B4GALT5: variants seen among roughly 807,000 people sequenced by gnomAD.
B4GALT5 encodes the protein UDP-Gal:beta-GlcNAc beta-1,4-galactosyltransferase 5.
In B4GALT5, 11 loss-of-function variants were observed where a neutral mutation model predicts 45.0. The ratio of observed to expected loss-of-function variants is 0.24; its 90% CI spans 0.15 to 0.40. The LOEUF (loss-of-function observed/expected upper bound fraction) is 0.40, where lower values mean the gene tolerates loss of function less well. B4GALT5 is among the 10% of genes least tolerant of loss of function. The pLI, the probability that B4GALT5 is intolerant of heterozygous loss-of-function variation, is 1.00. For missense variants in B4GALT5, 337 were observed against 500.2 expected (o/e 0.67, Z 3.11); for synonymous variants, 185 against 182.9 (o/e 1.01, Z -0.09).
intron 1 of B4GALT5, among the ~76,000 whole-genome samples, chr20:49,683,480 G>A (rs1386191689): frequency 1.5e-5 from 2 of 137,726 alleles, no homozygotes; most frequent in Non-Finnish European, 3.0e-5. Flanking sequence ...TACAACCTCC[G>A]CCTCCTGGGT....
At chr20:49,705,311 T>C (rs1169522987) in intron 1 of B4GALT5, among the ~76,000 whole-genome samples, 3 of 152,056 alleles carry the variant, frequency 2.0e-5, no homozygotes, top group Admixed American at 1.3e-4. Context: ...ACAAAAAAAA[T>C]GGTCCAAAAA....
chr20:49,700,215 C>G (rs943527609), intron 1 of B4GALT5, among the ~76,000 whole-genome samples: 1 of 152,160 alleles, frequency 6.6e-6, no homozygotes, highest in Non-Finnish European at 1.5e-5. Flanking sequence ...TGAGACCTGT[C>G]TCAGATACTT....
chr20:49,678,048 T>C (rs982815396), intron 1 of B4GALT5, among the ~76,000 whole-genome samples: 21 of 152,242 alleles, frequency 1.4e-4, no homozygotes, highest in African/African-American at 4.8e-4. Context: ...ACGCCCAGCC[T>C]GAAATATCTT....
intron 1 of B4GALT5, among the ~76,000 whole-genome samples, chr20:49,710,581 G>A (rs1019528839): frequency 2.0e-5 from 3 of 151,684 alleles, no homozygotes; most frequent in East Asian, 3.9e-4. Context: ...CACCACGCCC[G>A]GCTAATTTTT....
chr20:49,640,101 C>A (rs989945022), intron 6 of B4GALT5, among the ~76,000 whole-genome samples: 1 of 152,138 alleles, frequency 6.6e-6, no homozygotes, highest in African/African-American at 2.4e-5. Flanking sequence ...CACTGTCCCC[C>A]GCAAAGCCTT....
intron 1 of B4GALT5, among the ~76,000 whole-genome samples, chr20:49,676,072 A>C (rs1470616598): frequency 2.1e-5 from 3 of 142,272 alleles, no homozygotes; most frequent in African/African-American, 5.2e-5. Flanking sequence ...GCATTTTCGG[A>C]ATCCCTACTC....
At chr20:49,702,002 T>C (rs1329762009) in intron 1 of B4GALT5, among the ~76,000 whole-genome samples, 1 of 152,070 alleles carries the variant, frequency 6.6e-6, no homozygotes, top group Admixed American at 6.6e-5. Flanking sequence ...GAGGCAGAGG[T>C]TGCAGTGAGT....
chr20:49,639,669 C>A lies in B4GALT5; in HGVS notation c.917+9G>T. 6.2e-7 allele frequency: 1 copy of A among 1,613,024 alleles called. No homozygotes were observed. The highest frequency in any genetic ancestry group is 8.5e-7 in the Non-Finnish European group (1 of 1,179,224). Reference sequence around the variant, plus strand: ...TTTCTAGAAGACACCGAAAGAACGGCAGAGGTACCTGTTCCAGAGGTCGTC... The same window carrying A: ...TTTCTAGAAGACACCGAAAGAACGGAAGAGGTACCTGTTCCAGAGGTCGTC... On this transcript the variant is annotated intron_variant, in intron 7 of 8. Transcript: ENST00000371711.
In B4GALT5 at chr20:49,636,395, A is replaced by C; in HGVS notation, c.1084T>G (p.Phe362Val). 6.2e-7 allele frequency: 1 copy of C among 1,614,122 alleles called. No individual in the cohort carries two copies. Among genetic ancestry groups the C allele is most frequent in the Non-Finnish European group, 8.5e-7 (1 of 1,180,000 alleles). ...GLDGLNNLNY[F>V]ANITYDALYK... Reference sequence around the variant, plus strand: ...AAGGCGTCGTATGTGATGTTTGCAAAGTAGTTCAGGTTGTTGAGGCCATCC... The same window carrying C: ...AAGGCGTCGTATGTGATGTTTGCAACGTAGTTCAGGTTGTTGAGGCCATCC... The change falls in exon 9 of 9, where the codon TTT (phenylalanine) becomes GTT (valine). Residue 362 changes from phenylalanine to valine, a missense_variant. By Grantham distance (50) the Phe-to-Val change is conservative. Around this residue, in one of 2 missense-constraint regions of B4GALT5, gnomAD observed 163 missense variants for 292.8 expected, o/e 0.56. Transcript: ENST00000371711.
At chr20:49,655,220 C>T (rs2085637509) in intron 2 of B4GALT5, among the ~76,000 whole-genome samples, 1 of 151,940 alleles carries the variant, frequency 6.6e-6, no homozygotes, top group Non-Finnish European at 1.5e-5. Flanking sequence ...CACCTGAGGT[C>T]AGGAGTTTGA....
Position 49,637,375 on chromosome 20 carries a change from G to C in B4GALT5, c.985C>G (p.His329Asp). Residue 329 changes from histidine (H) to aspartate (D), a missense_variant, in exon 8 of 9, where the codon CAT becomes GAT. Physicochemically the swap from His to Asp is moderately conservative, Grantham distance 81. Transcript: ENST00000371711. ...AACTGGACTTCTCCTCGATGGTGATGAGGAATGGACTTGTACTTTCCTGTG... is the reference window on the plus strand; with the variant it reads ...AACTGGACTTCTCCTCGATGGTGATCAGGAATGGACTTGTACTTTCCTGTG... ...GDTGKYKSIP[H>D]HHRGEVQFLG... 1 of 1,614,132 alleles carries C rather than the reference G, an allele frequency of 6.2e-7. No homozygotes were observed. Among genetic ancestry groups the C allele is most frequent in the Non-Finnish European group, 8.5e-7 (1 of 1,180,024 alleles).
chr20:49,636,907 G>C (rs1414796761), intron 8 of B4GALT5, among the ~76,000 whole-genome samples: 5 of 146,388 alleles, frequency 3.4e-5, no homozygotes, highest in East Asian at 2.0e-4. Context: ...ATTTAGAAAA[G>C]ACACACACAC....
Position 49,636,079 on chromosome 20 carries a change from G to C in B4GALT5, c.*233C>G. ...GACAGACGTCTGTCTTGTGAAAACA[G>C]AAAGCCAGTGCTGACGAAGGAAGTC... On this transcript the variant is annotated 3_prime_UTR_variant, in exon 9 of 9. Transcript: ENST00000371711. 1 of 543,362 alleles carries C rather than the reference G, an allele frequency of 1.8e-6. No homozygotes were observed. Among genetic ancestry groups the C allele is most frequent in the Non-Finnish European group, 3.3e-6 (1 of 304,210 alleles). 33.7% of individuals were successfully genotyped at this position (543,362 alleles called of 1,614,324 possible).
intron 1 of B4GALT5, among the ~76,000 whole-genome samples, chr20:49,666,912 T>C (rs946515976): frequency 2.0e-5 from 3 of 152,208 alleles, no homozygotes; most frequent in Non-Finnish European, 2.9e-5. Flanking sequence ...TATAAAGAGA[T>C]GGATTCCTAT....
At chr20:49,703,193 C>G (rs2085870121) in intron 1 of B4GALT5, among the ~76,000 whole-genome samples, 2 of 147,164 alleles carry the variant, frequency 1.4e-5, no homozygotes, top group Non-Finnish European at 1.5e-5. Context: ...AAAGTGATTA[C>G]TGCATAACAT....
chr20:49,707,403 C>T (rs2085888791), intron 1 of B4GALT5, among the ~76,000 whole-genome samples: 1 of 151,812 alleles, frequency 6.6e-6, no homozygotes, highest in Non-Finnish European at 1.5e-5. Context: ...GGATAAGGCT[C>T]TTTAATTCTC....
chr20:49,697,014 T>C (rs1238659619), intron 1 of B4GALT5, among the ~76,000 whole-genome samples: 1 of 152,246 alleles, frequency 6.6e-6, no homozygotes, highest in Non-Finnish European at 1.5e-5. Context: ...CAAAATTAGA[T>C]CGATGTTGTT....
chr20:49,681,359 T>A (rs2085763483), intron 1 of B4GALT5, among the ~76,000 whole-genome samples: 1 of 151,350 alleles, frequency 6.6e-6, no homozygotes, highest in Non-Finnish European at 1.5e-5. Context: ...AATCAAAGAA[T>A]CCACACTCCC....
At chr20:49,636,907 G>GAC (rs5841760) in intron 8 of B4GALT5, among the ~76,000 whole-genome samples, 19,822 of 146,410 alleles carry the variant, frequency 0.14, 1,439 homozygotes, top group East Asian at 0.22. Flanking sequence ...ATTTAGAAAA[G>GAC]ACACACACAC....
Sources: allele counts gnomAD v4.1 joint callset (sites outside exome capture counted in the v4.1 genomes callset), GRCh38; gene constraint gnomAD v4.1.1; regional missense constraint gnomAD v4.1.1; transcripts MANE v1.5; gene names NCBI Gene and HGNC (gene_info 2026-07-23, HGNC 2026-07-21).